TRHDE: variants seen among roughly 807,000 people sequenced by gnomAD.
The protein encoded by TRHDE is thyrotropin-releasing hormone-degrading ectoenzyme.
TRHDE carries 72 observed loss-of-function variants against 125.7 expected under a neutral mutation model. That is an observed-to-expected ratio of 0.57 (90% CI 0.47 to 0.70). TRHDE has a LOEUF of 0.70. Ranked by LOEUF, TRHDE falls within the 30% of genes least tolerant of loss-of-function variation. The pLI is 0.00. For synonymous variants in TRHDE, 509 were observed against 509.1 expected, an observed-to-expected ratio of 1.00 and a Z score of 0.00; for missense variants, 1,110 against 1,327.1, an observed-to-expected ratio of 0.84 and a Z score of 2.54.
At chr12:72,662,772 G>A (rs1874963371) in intron 18 of TRHDE, among the ~76,000 whole-genome samples, 1 of 151,850 alleles carries the variant, frequency 6.6e-6, no homozygotes, top group Admixed American at 6.6e-5. Context: ...ATCTAATCAT[G>A]AAACATGAAG....
At chr12:72,281,674 A>G (rs1879702141) in intron 1 of TRHDE, among the ~76,000 whole-genome samples, 1 of 152,192 alleles carries the variant, frequency 6.6e-6, no homozygotes, top group Admixed American at 6.5e-5. Flanking sequence ...TCTGAATACT[A>G]ACAGTGTTAT....
chr12:72,279,733 C>T (rs558342651), intron 1 of TRHDE, among the ~76,000 whole-genome samples: 2 of 152,240 alleles, frequency 1.3e-5, no homozygotes, highest in African/African-American at 2.4e-5. Context: ...CCCAGGCTCA[C>T]CCTTCCTGCC....
chr12:72,496,779 A>C (rs1224967970), intron 5 of TRHDE, among the ~76,000 whole-genome samples: 1 of 152,202 alleles, frequency 6.6e-6, no homozygotes, highest in Non-Finnish European at 1.5e-5. Flanking sequence ...TCAGGTAGAC[A>C]GTAGGCAATT....
chr12:72,271,984 G>T (rs1042154915), upstream of TRHDE: 2 of 456,734 alleles, frequency 4.4e-6, no homozygotes, highest in South Asian at 3.1e-5. Context: ...TTTCCAGGAC[G>T]GATCTCCGTC....
chr12:72,639,586 TAG>T (rs1437072642), intron 15 of TRHDE, among the ~76,000 whole-genome samples: 8,142 of 151,952 alleles, frequency 0.054, 577 homozygotes, highest in African/African-American at 0.19. Flanking sequence ...CTCTGCTTTT[TAG>T]AGTTTCCAGT....
intron 3 of TRHDE, among the ~76,000 whole-genome samples, chr12:72,437,531 A>G (rs371113079): frequency 9.9e-4 from 151 of 151,898 alleles, no homozygotes; most frequent in South Asian, 6.2e-3. Context: ...TTGAACTACT[A>G]TTGTCATTTT....
At chr12:72,642,037 C>T (rs1874086550) in intron 15 of TRHDE, among the ~76,000 whole-genome samples, 1 of 152,080 alleles carries the variant, frequency 6.6e-6, no homozygotes, top group Admixed American at 6.5e-5. Flanking sequence ...CTGTTTCTGC[C>T]ACGTGAGAAT....
chr12:72,264,389 A>T (rs1282606972), intron 2 of TRHDE: 1 of 152,022 alleles, frequency 6.6e-6, no homozygotes, highest in East Asian at 1.9e-4. Context: ...AATCACCTAG[A>T]ATCAATTATC....
At chr12:72,316,739 G>A (rs1431484995) in intron 2 of TRHDE, among the ~76,000 whole-genome samples, 1 of 152,140 alleles carries the variant, frequency 6.6e-6, no homozygotes, top group East Asian at 1.9e-4. Context: ...ATATGAATAT[G>A]CCATGATTAA....
At chr12:72,636,475 C>T (rs1204277231) in intron 15 of TRHDE, among the ~76,000 whole-genome samples, 7 of 151,192 alleles carry the variant, frequency 4.6e-5, no homozygotes, top group Non-Finnish European at 8.8e-5. Context: ...TTCCTCTTTT[C>T]CTAATTGAAT....
At chr12:72,128,028 C>G (rs939415216) in intron 2 of TRHDE, among the ~76,000 whole-genome samples, 2 of 151,962 alleles carry the variant, frequency 1.3e-5, no homozygotes, top group Non-Finnish European at 2.9e-5. Flanking sequence ...AAAACAGAAC[C>G]CTGGAAATGT....
intron 15 of TRHDE, among the ~76,000 whole-genome samples, chr12:72,641,356 T>G (rs1034812112): frequency 3.3e-5 from 5 of 152,188 alleles, no homozygotes; most frequent in Non-Finnish European, 7.4e-5. Flanking sequence ...ATTTCCAAAC[T>G]AATTATAAAA....
intron 2 of TRHDE, among the ~76,000 whole-genome samples, chr12:72,336,820 C>A (rs762730202): frequency 2.0e-5 from 3 of 152,156 alleles, no homozygotes; most frequent in Non-Finnish European, 4.4e-5. Flanking sequence ...CAACATTAAT[C>A]CATTCATTTG....
At chr12:72,452,172 G>T (rs1226393224) in intron 3 of TRHDE, among the ~76,000 whole-genome samples, 4 of 146,250 alleles carry the variant, frequency 2.7e-5, no homozygotes, top group African/African-American at 1.1e-4. Flanking sequence ...TGCCTTATTG[G>T]TTATATTTAT....
intron 15 of TRHDE, among the ~76,000 whole-genome samples, chr12:72,631,713 A>G (rs542059357): frequency 4.6e-5 from 7 of 152,044 alleles, no homozygotes; most frequent in Non-Finnish European, 1.0e-4. Flanking sequence ...ACACATAAAC[A>G]CGCACACAAG....
At chr12:72,518,551 G>T (rs1464056158) in intron 6 of TRHDE, among the ~76,000 whole-genome samples, 1 of 152,124 alleles carries the variant, frequency 6.6e-6, no homozygotes, top group Admixed American at 6.5e-5. Flanking sequence ...CTGCATGTGA[G>T]ATGGGTTTCC....
intron 2 of TRHDE, among the ~76,000 whole-genome samples, chr12:72,129,244 C>A (rs969569125): frequency 6.6e-6 from 1 of 152,152 alleles, no homozygotes; most frequent in African/African-American, 2.4e-5. Context: ...AGCAGACCTG[C>A]ACTAAGTGGA....
intron 15 of TRHDE, among the ~76,000 whole-genome samples, chr12:72,636,015 A>G (rs1304116821): frequency 1.8e-3 from 248 of 136,138 alleles, no homozygotes; most frequent in Admixed American, 3.0e-3. Context: ...TGAACTTTAA[A>G]GTAGTTTTTT....
chr12:72,253,330 T>C (rs1878727512), intron 2 of TRHDE, among the ~76,000 whole-genome samples: 2 of 152,110 alleles, frequency 1.3e-5, no homozygotes, highest in Non-Finnish European at 2.9e-5. Context: ...TAATTCTTCC[T>C]TTTGAAACTG....
Sources: allele counts gnomAD v4.1 joint callset (sites outside exome capture counted in the v4.1 genomes callset), GRCh38; gene constraint gnomAD v4.1.1; transcripts MANE v1.5; gene names NCBI Gene and HGNC (gene_info 2026-07-23, HGNC 2026-07-21).